ATP9B: variants seen among roughly 807,000 people sequenced by gnomAD.
ATP9B encodes the protein probable phospholipid-transporting ATPase IIB.
In ATP9B, 110 loss-of-function variants were observed where a neutral mutation model predicts 146.1. The ratio of observed to expected loss-of-function variants is 0.75; its 90% confidence interval spans 0.65 to 0.88. The LOEUF (loss-of-function observed/expected upper bound fraction) is 0.88, where lower values mean the gene tolerates loss of function less well. Among genes scored for constraint, ATP9B ranks in the 40% least tolerant of loss-of-function variants. ATP9B has a pLI of 0.00. For missense variants in ATP9B, 1,499 were observed against 1,496.4 expected, an observed-to-expected ratio of 1.00 and a Z score of -0.03; for synonymous variants, 604 against 569.7, an observed-to-expected ratio of 1.06 and a Z score of -0.86.
chr18:79,314,922 C>T (rs542433234), intron 15 of ATP9B, among the ~76,000 whole-genome samples: 1 of 152,324 alleles, frequency 6.6e-6, no homozygotes, highest in African/African-American at 2.4e-5. Flanking sequence ...TCAGCTCAAG[C>T]GCTGAAGGCG....
intron 13 of ATP9B, among the ~76,000 whole-genome samples, chr18:79,299,098 C>T (rs1410443948): frequency 6.6e-6 from 1 of 152,174 alleles, no homozygotes; most frequent in Non-Finnish European, 1.5e-5. Context: ...TCACGTAGAC[C>T]TTGATCCCAG....
rs2094157050 is a variant in ATP9B at position 79,119,805 on chromosome 18, T to A, written c.558+6451T>A. Among the ~76,000 whole-genome samples the A allele has an allele frequency of 2.6e-5, 4 of 152,228 alleles. No homozygotes were observed. In the South Asian group the frequency reaches 8.3e-4, roughly 32 times the overall value. On this transcript the variant is annotated intron_variant, in intron 4 of 29. Coordinates refer to ENST00000426216, the MANE Select transcript of ATP9B (RefSeq NM_198531.5). ...GAATAGTATGCTTTCTCTGTTTATATGCATCTTAACCTTTGATTGAGCAAA... is the reference window on the plus strand; with the variant it reads ...GAATAGTATGCTTTCTCTGTTTATAAGCATCTTAACCTTTGATTGAGCAAA...
chr18:79,155,495 G>A (rs1026419537), intron 7 of ATP9B, among the ~76,000 whole-genome samples: 3 of 152,184 alleles, frequency 2.0e-5, no homozygotes, highest in African/African-American at 4.8e-5. Flanking sequence ...TCTCTGAAAC[G>A]AGAGAGGTAT....
chr18:79,172,678 G>C (rs892634216), intron 7 of ATP9B, among the ~76,000 whole-genome samples: 3 of 152,286 alleles, frequency 2.0e-5, no homozygotes, highest in Non-Finnish European at 4.4e-5. Context: ...CAACACCCTG[G>C]AGATCCATCC....
chr18:79,221,763 T>C (rs527369903), intron 11 of ATP9B, among the ~76,000 whole-genome samples: 84 of 151,886 alleles, frequency 5.5e-4, no homozygotes, highest in Middle Eastern at 3.4e-3. Flanking sequence ...CAGAGTTAAG[T>C]TGATGTATGT....
intron 11 of ATP9B, among the ~76,000 whole-genome samples, chr18:79,248,881 G>GT (rs2095995263): frequency 6.6e-6 from 1 of 152,218 alleles, no homozygotes; most frequent in South Asian, 2.1e-4. Context: ...ATCATCAGCA[G>GT]TAAGTGTTGC....
At chr18:79,313,058 G>T (rs953468693) in intron 15 of ATP9B, among the ~76,000 whole-genome samples, 2 of 152,180 alleles carry the variant, frequency 1.3e-5, no homozygotes, top group Non-Finnish European at 2.9e-5. Context: ...TCTGTCAGTG[G>T]GCACGATTGT....
chr18:79,325,190 G>A lies in ATP9B; in HGVS notation c.1774-3951G>A, dbSNP rs1306771801. Among the ~76,000 whole-genome samples the A allele has an allele frequency of 2.6e-5, 4 of 152,102 alleles. No homozygotes were observed. In the East Asian group the frequency reaches 7.7e-4, roughly 29 times the overall value. ...AGCAGGACTAGCTGGTACTCTCCCTGGAAATAGAAAATGGTGCCTCAGATC... is the reference window on the plus strand; with the variant it reads ...AGCAGGACTAGCTGGTACTCTCCCTAGAAATAGAAAATGGTGCCTCAGATC... On this transcript the variant is annotated intron_variant, in intron 15 of 29. Coordinates refer to ENST00000426216, the MANE Select transcript of ATP9B (RefSeq NM_198531.5).
chr18:79,091,769 T>C (rs2074339316), intron 1 of ATP9B, among the ~76,000 whole-genome samples: 1 of 152,216 alleles, frequency 6.6e-6, no homozygotes, highest in Non-Finnish European at 1.5e-5. Flanking sequence ...CCCCTATATG[T>C]TTCTCTTGTC....
intron 25 of ATP9B, among the ~76,000 whole-genome samples, chr18:79,356,108 TGA>T (rs2096951104): frequency 6.6e-6 from 1 of 152,020 alleles, no homozygotes; most frequent in African/African-American, 2.4e-5. Flanking sequence ...ACCCTGTGTG[TGA>T]GGGGACGCAC....
intron 1 of ATP9B, among the ~76,000 whole-genome samples, chr18:79,072,418 T>C (rs548082421): frequency 1.2e-4 from 19 of 152,340 alleles, no homozygotes; most frequent in Non-Finnish European, 2.2e-4. Flanking sequence ...CCTTAATCCA[T>C]TTAACCTGGA....
intron 4 of ATP9B, among the ~76,000 whole-genome samples, chr18:79,122,023 T>C (rs1195304011): frequency 1.3e-5 from 2 of 152,148 alleles, no homozygotes; most frequent in Non-Finnish European, 2.9e-5. Flanking sequence ...GGGTGAAAAT[T>C]AGAGTCACCT....
At chr18:79,211,336 A>C (rs2095582323) in intron 10 of ATP9B, among the ~76,000 whole-genome samples, 1 of 152,232 alleles carries the variant, frequency 6.6e-6, no homozygotes, top group Non-Finnish European at 1.5e-5. Flanking sequence ...AGCCTGTAGC[A>C]AGGAAGGCAC....
chr18:79,253,630 C>T lies in ATP9B; in HGVS notation c.1268+89C>T. Reference sequence around the variant, plus strand: ...ATCTTTCTCAGTATGAAAGAAATTACCCAAACAAAGCTAGAGAAGTAGGAG... The same window carrying T: ...ATCTTTCTCAGTATGAAAGAAATTATCCAAACAAAGCTAGAGAAGTAGGAG... On this transcript the variant is annotated intron_variant, in intron 12 of 29. Transcript: ENST00000426216. 3.0e-6 allele frequency: 4 copies of T among 1,350,522 alleles called. No homozygotes were observed. In the South Asian group the frequency reaches 4.5e-5, roughly 15 times the overall value. 83.7% of individuals were successfully genotyped at this position (1,350,522 alleles called of 1,614,324 possible).
chr18:79,290,026 G>T (rs1269490115), intron 13 of ATP9B, among the ~76,000 whole-genome samples: 1 of 152,130 alleles, frequency 6.6e-6, no homozygotes, highest in Non-Finnish European at 1.5e-5. Flanking sequence ...GCCCCTGCTT[G>T]GGGGGTGCCT....
At chr18:79,280,684 C>G (rs2361475) in intron 13 of ATP9B, among the ~76,000 whole-genome samples, 1 of 152,106 alleles carries the variant, frequency 6.6e-6, no homozygotes, top group Admixed American at 6.5e-5. Context: ...ACTAGAAACA[C>G]ATGTGCTTAT....
intron 13 of ATP9B, among the ~76,000 whole-genome samples, chr18:79,287,856 G>A (rs1242012762): frequency 6.7e-6 from 1 of 149,176 alleles, no homozygotes; most frequent in African/African-American, 2.5e-5. Context: ...CTTTATTTCT[G>A]CCTTCATTTC....
intron 13 of ATP9B, among the ~76,000 whole-genome samples, chr18:79,300,532 C>T (rs1024090414): frequency 1.3e-5 from 2 of 152,064 alleles, no homozygotes; most frequent in African/African-American, 2.4e-5. Context: ...GGCTGTGGGT[C>T]GCATGTGGGT....
chr18:79,160,820 G>A (rs2094868160), intron 7 of ATP9B, among the ~76,000 whole-genome samples: 1 of 152,110 alleles, frequency 6.6e-6, no homozygotes. Context: ...CACCCAGGCT[G>A]GAGTGCAGTG....
Sources: allele counts gnomAD v4.1 joint callset (sites outside exome capture counted in the v4.1 genomes callset), GRCh38; gene constraint gnomAD v4.1.1; transcripts MANE v1.5; gene names NCBI Gene and HGNC (gene_info 2026-07-23, HGNC 2026-07-21).